The following AGPAT4 variants were observed in gnomAD, a reference collection of about 807,000 sequenced individuals.
AGPAT4 encodes the protein 1-acyl-sn-glycerol-3-phosphate acyltransferase delta.
AGPAT4 carries 15 observed loss-of-function variants against 48.0 expected under a neutral mutation model. The ratio of observed to expected loss-of-function variants is 0.31; its 90% CI spans 0.21 to 0.48. AGPAT4 has a LOEUF of 0.48. Among genes scored for constraint, AGPAT4 ranks in the 20% least tolerant of loss-of-function variants. The pLI is 0.99. For missense variants in AGPAT4, 314 were observed against 482.5 expected (o/e 0.65, Z 3.27); for synonymous variants, 178 against 198.7 (o/e 0.90, Z 0.88).
At position 161,223,966 on chromosome 6, in the gene AGPAT4, G is replaced by A. The variant is rs1168930904; in HGVS notation, c.178+8070C>T. 1.3e-5 allele frequency among the ~76,000 whole-genome samples: 2 copies of A among 152,228 alleles called. No individual in the cohort carries two copies. Among genetic ancestry groups the A allele is most frequent in the African/African-American group, 2.4e-5 (1 of 41,460 alleles). On this transcript the variant is annotated intron_variant, in intron 2 of 8. Coordinates refer to ENST00000320285, the MANE Select transcript of AGPAT4 (RefSeq NM_020133.3). The surrounding 1 kb of genome is among the most constrained non-coding windows in gnomAD (Gnocchi z 6.3). ...TAGAATAAAAAGGCAGAATCAGGAA[G>A]TGTTGTTCCTCTTAGCCTGCACGGA...
chr6:161,189,173 T>A lies in AGPAT4; in HGVS notation c.179-22756A>T, dbSNP rs1482431915. On this transcript the variant is annotated intron_variant, in intron 2 of 8. Coordinates refer to ENST00000320285, the MANE Select transcript of AGPAT4 (RefSeq NM_020133.3). This position sits in a 1 kb window ranked among gnomAD's most constrained non-coding sequence, Gnocchi z 5.3. ...AAGCTATGAGGCTGGTGAGTGGGCA[T>A]GCAACAGTGTTGCTAAACCCGGATT... Among the ~76,000 whole-genome samples, 3 of 152,204 alleles carry A rather than the reference T, an allele frequency of 2.0e-5. No homozygotes were observed. Among genetic ancestry groups the A allele is most frequent in the East Asian group, 1.9e-4 (1 of 5,198 alleles).
At chr6:161,239,705 G>A (rs762384106) in intron 1 of AGPAT4, among the ~76,000 whole-genome samples, 3 of 152,116 alleles carry the variant, frequency 2.0e-5, no homozygotes, top group Non-Finnish European at 2.9e-5. Flanking sequence ...AGAAATGAAT[G>A]CAAATTATTT....
intron 2 of AGPAT4, among the ~76,000 whole-genome samples, chr6:161,170,226 G>A (rs933610491): frequency 3.9e-5 from 6 of 152,056 alleles, no homozygotes; most frequent in African/African-American, 1.4e-4. Flanking sequence ...AGCATCACAT[G>A]CAGATACAAC....
rs115574575 is a variant in AGPAT4 at position 161,268,068 on chromosome 6, C to A, written c.-90+5870G>T. ...AGCTCTGCTCCTTCTTATGACCTAG[C>A]TGAGCTGCTTAATCTCCCTCATCTT... On this transcript the variant is annotated intron_variant, in intron 1 of 8. Coordinates refer to ENST00000320285, the MANE Select transcript of AGPAT4 (RefSeq NM_020133.3). 8.0e-3 allele frequency among the ~76,000 whole-genome samples: 1,213 copies of A among 152,304 alleles called. 21 individuals are homozygous for A. Among genetic ancestry groups the A allele is most frequent in the African/African-American group, 0.027 (1,142 of 41,562 alleles).
chr6:161,133,897 A>G lies in AGPAT4; in HGVS notation c.*2643T>C, dbSNP rs1778982263. On this transcript the variant is annotated 3_prime_UTR_variant, in exon 9 of 9. Coordinates refer to ENST00000320285, the MANE Select transcript of AGPAT4 (RefSeq NM_020133.3). ...ATGGCTTAGGCTCCGTGGGTTTTCA[A>G]CTCGTAGAAAAAATAACCCTGGGAA... The G allele has an allele frequency of 6.6e-6, 1 of 152,146 alleles. No homozygotes were observed. Among genetic ancestry groups the G allele is most frequent in the Non-Finnish European group, 1.5e-5 (1 of 68,044 alleles). 9.4% of individuals were successfully genotyped at this position (152,146 alleles called of 1,614,324 possible). A position where few individuals can be genotyped will look rare whatever the true frequency, so the allele number is the denominator to read the frequency against.
In AGPAT4 at chr6:161,272,057, C is replaced by T. The variant is rs951471322; in HGVS notation, c.-90+1881G>A. Among the ~76,000 whole-genome samples, 7 of 152,182 alleles carry T rather than the reference C, an allele frequency of 4.6e-5. No individual in the cohort carries two copies. The highest frequency in any genetic ancestry group is 7.2e-5 in the African/African-American group (3 of 41,424). ...TGTGTTATGCCCTTTAAATAGTTCT[C>T]GTCTTTAACTCCATGTGGCTCTGGT... is the stretch of plus-strand genomic sequence containing the variant. On this transcript the variant is annotated intron_variant, in intron 1 of 8. Transcript: ENST00000320285. This position sits in a 1 kb window ranked among gnomAD's most constrained non-coding sequence, Gnocchi z 4.2.
rs747178035 is a variant in AGPAT4, at chr6:161,130,912, T to C, written c.*5628A>G. The C allele has an allele frequency of 1.3e-4, 65 of 519,050 alleles. 1 individual carries two copies. Among genetic ancestry groups the C allele is most frequent in the Non-Finnish European group, 2.0e-4 (51 of 259,864 alleles). The allele number at this position is 519,050 out of a possible 1,614,324, so 32.2% of individuals were successfully genotyped here. ...GAATGGCATTCCAAAATTCCATGGA[T>C]GACTTTTCTGAATGTCCTAGAATGT... On this transcript the variant is annotated 3_prime_UTR_variant, in exon 9 of 9. Transcript: ENST00000320285.
At position 161,135,332 on chromosome 6, in the gene AGPAT4, C is replaced by T. The variant is rs1421340244; in HGVS notation, c.*1208G>A. The stretch of plus-strand genomic sequence containing the variant: ...GTCTTGGCCTAAGATGATTTAATAG[C>T]TAGCATTTGTTCTGCAAAAATAGCA... On this transcript the variant is annotated 3_prime_UTR_variant, in exon 9 of 9. Coordinates refer to ENST00000320285, the MANE Select transcript of AGPAT4 (RefSeq NM_020133.3). 1.3e-5 allele frequency: 2 copies of T among 152,224 alleles called. No individual in the cohort carries two copies. The highest frequency in any genetic ancestry group is 4.8e-5 in the African/African-American group (2 of 41,452). The allele number at this position is 152,224 out of a possible 1,614,324, so 9.4% of individuals were successfully genotyped here.
chr6:161,227,411 T>C (rs1022399821), intron 2 of AGPAT4, among the ~76,000 whole-genome samples: 1 of 152,172 alleles, frequency 6.6e-6, no homozygotes, highest in African/African-American at 2.4e-5. Flanking sequence ...GACTGCCTTT[T>C]TGCCCCAAGG....
chr6:161,243,461 G>A lies in AGPAT4; in HGVS notation c.-89-11159C>T, dbSNP rs753333878. Reference sequence around the variant, plus strand: ...CACGTCAGAGCCTCGGCCATCCTGCGCACTTGGCCCACCACAAGGCTGTGT... The same window carrying A: ...CACGTCAGAGCCTCGGCCATCCTGCACACTTGGCCCACCACAAGGCTGTGT... On this transcript the variant is annotated intron_variant, in intron 1 of 8. Coordinates refer to ENST00000320285, the MANE Select transcript of AGPAT4 (RefSeq NM_020133.3). This position sits in a 1 kb window ranked among gnomAD's most constrained non-coding sequence, Gnocchi z 4.8. Among the ~76,000 whole-genome samples the A allele has an allele frequency of 1.3e-5, 2 of 152,216 alleles. No homozygotes were observed. Among genetic ancestry groups the A allele is most frequent in the Non-Finnish European group, 2.9e-5 (2 of 68,032 alleles).
rs1215102771 is a variant in AGPAT4, at chr6:161,219,878, G to GATA, written c.178+12157_178+12158insTAT. The stretch of plus-strand genomic sequence containing the variant: ...AGATAGATAGATAGATAGATAGGCA[G>GATA]GCAGGCAGGCAGGCAGGCAGGCAGG... On this transcript the variant is annotated intron_variant, in intron 2 of 8. Coordinates refer to ENST00000320285, the MANE Select transcript of AGPAT4 (RefSeq NM_020133.3). This position sits in a 1 kb window ranked among gnomAD's most constrained non-coding sequence, Gnocchi z 4.9. 1.7e-5 allele frequency among the ~76,000 whole-genome samples: 2 copies of GATA among 119,836 alleles called. No homozygotes were observed. The highest frequency in any genetic ancestry group is 1.7e-4 in the Admixed American group (2 of 11,986). 78.6% of individuals were successfully genotyped at this position (119,836 alleles called of 152,430 possible).
intron 2 of AGPAT4, among the ~76,000 whole-genome samples, chr6:161,173,801 C>A (rs1780349362): frequency 6.6e-6 from 1 of 152,166 alleles, no homozygotes; most frequent in South Asian, 2.1e-4. Flanking sequence ...AGTCTTTAAT[C>A]CACCTTGAAT....
intron 2 of AGPAT4, among the ~76,000 whole-genome samples, chr6:161,176,765 G>T (rs1780442225): frequency 6.6e-6 from 1 of 152,178 alleles, no homozygotes. Context: ...GCATGTTTTT[G>T]TAGTGGCTGG....
intron 1 of AGPAT4, among the ~76,000 whole-genome samples, chr6:161,257,112 T>A (rs1431776847): frequency 6.6e-6 from 1 of 152,232 alleles, no homozygotes; most frequent in Admixed American, 6.5e-5. Flanking sequence ...AGCACTTGTT[T>A]CTAACATGAA....
rs146465918 is a variant in AGPAT4, at chr6:161,134,897, A to G, written c.*1643T>C. On this transcript the variant is annotated 3_prime_UTR_variant, in exon 9 of 9. Coordinates refer to ENST00000320285, the MANE Select transcript of AGPAT4 (RefSeq NM_020133.3). Reference sequence around the variant, plus strand: ...CATCAAGCCTGCCTGCAGGGCCGCCAGCGAGTTAACTCAGGCCCTAGGCTC... The same window carrying G: ...CATCAAGCCTGCCTGCAGGGCCGCCGGCGAGTTAACTCAGGCCCTAGGCTC... The G allele has an allele frequency of 7.9e-5, 12 of 152,416 alleles. No homozygotes were observed. The highest frequency in any genetic ancestry group is 2.9e-4 in the African/African-American group (12 of 41,588). 9.4% of individuals were successfully genotyped at this position (152,416 alleles called of 1,614,324 possible). A position where few individuals can be genotyped will look rare whatever the true frequency, so the allele number is the denominator to read the frequency against.
chr6:161,242,797 G>A lies in AGPAT4; in HGVS notation c.-89-10495C>T, dbSNP rs778730825. On this transcript the variant is annotated intron_variant, in intron 1 of 8. Coordinates refer to ENST00000320285, the MANE Select transcript of AGPAT4 (RefSeq NM_020133.3). This position sits in a 1 kb window ranked among gnomAD's most constrained non-coding sequence, Gnocchi z 5.0. ...GTTAATAAGGAAACCTAGGCCGGGC[G>A]CAGCGGCTCACACCTGTCATCCCAG... Among the ~76,000 whole-genome samples, 2 of 152,160 alleles carry A rather than the reference G, an allele frequency of 1.3e-5. No homozygotes were observed. The highest frequency in any genetic ancestry group is 2.4e-5 in the African/African-American group (1 of 41,440).
In AGPAT4 at chr6:161,180,100, C is replaced by G. The variant is rs1272249288; in HGVS notation, c.179-13683G>C. 6.6e-6 allele frequency among the ~76,000 whole-genome samples: 1 copy of G among 152,180 alleles called. No individual in the cohort carries two copies. The highest frequency in any genetic ancestry group is 1.5e-5 in the Non-Finnish European group (1 of 68,040). On this transcript the variant is annotated intron_variant, in intron 2 of 8. Coordinates refer to ENST00000320285, the MANE Select transcript of AGPAT4 (RefSeq NM_020133.3). The surrounding 1 kb of genome is among the most constrained non-coding windows in gnomAD (Gnocchi z 6.4). ...CCTCTCTAAGTAGTCAGTCACAAGACCTGGCTGCATTCTGGTCAGGATCCC... is the reference window on the plus strand; with the variant it reads ...CCTCTCTAAGTAGTCAGTCACAAGAGCTGGCTGCATTCTGGTCAGGATCCC...
intron 2 of AGPAT4, among the ~76,000 whole-genome samples, chr6:161,170,045 A>G (rs371118463): frequency 6.6e-6 from 1 of 152,182 alleles, no homozygotes; most frequent in South Asian, 2.1e-4. Flanking sequence ...CCAAGATCCC[A>G]GCTTCTGCAG....
intron 2 of AGPAT4, among the ~76,000 whole-genome samples, chr6:161,203,459 G>T (rs1158972204): frequency 7.0e-6 from 1 of 143,582 alleles, no homozygotes; most frequent in Non-Finnish European, 1.5e-5. Context: ...CGTGATCTCA[G>T]GTCACTGCAA....
Sources: allele counts gnomAD v4.1 joint callset (sites outside exome capture counted in the v4.1 genomes callset), GRCh38; gene constraint gnomAD v4.1.1; non-coding constraint Gnocchi (gnomAD v3.1); transcripts MANE v1.5; gene names NCBI Gene and HGNC (gene_info 2026-07-23, HGNC 2026-07-21).